Variants in SUMF1 observed in about 807,000 individuals in gnomAD.
The protein encoded by SUMF1 is sulfatase modifying factor 1.
Under a neutral mutation model 47.6 loss-of-function variants are expected in SUMF1, and 48 were observed. The observed-to-expected ratio is 1.01, with a 90% CI of 0.80 to 1.28. The LOEUF is 1.28. Ranked by LOEUF, SUMF1 falls within the 50% of genes most tolerant of loss-of-function variation. SUMF1 has a pLI of 0.00. For missense variants in SUMF1, 571 were observed against 485.4 expected, an observed-to-expected ratio of 1.18 and a Z score of -1.66; for synonymous variants, 230 against 192.1, an observed-to-expected ratio of 1.20 and a Z score of -1.63.
chr3:4,253,489 GA>G (rs2125013092), intron 8 of SUMF1, among the ~76,000 whole-genome samples: 1 of 152,218 alleles, frequency 6.6e-6, no homozygotes, highest in South Asian at 2.1e-4. Flanking sequence ...CCGAGTAAAA[GA>G]AAGGGGTGAC....
chr3:4,198,611 G>T (rs747445231), intron 8 of SUMF1, among the ~76,000 whole-genome samples: 2 of 152,030 alleles, frequency 1.3e-5, no homozygotes, highest in Non-Finnish European at 2.9e-5. Context: ...ACTGACAATG[G>T]CCCGACAAAA....
intron 8 of SUMF1, among the ~76,000 whole-genome samples, chr3:4,208,940 GA>G: frequency 6.6e-6 from 1 of 151,974 alleles, no homozygotes; most frequent in Middle Eastern, 3.4e-3. Context: ...CTGTGTCCAT[GA>G]AGGATATTGG....
chr3:4,213,879 AC>A (rs1320843563), intron 8 of SUMF1, among the ~76,000 whole-genome samples: 1 of 152,304 alleles, frequency 6.6e-6, no homozygotes, highest in East Asian at 1.9e-4. Context: ...ATATATATGC[AC>A]CCAATACAGG....
chr3:4,335,551 T>C (rs1256426561), intron 8 of SUMF1, among the ~76,000 whole-genome samples: 1 of 152,156 alleles, frequency 6.6e-6, no homozygotes, highest in Non-Finnish European at 1.5e-5. Flanking sequence ...TGCAGCAGAA[T>C]TAACCTCATC....
intron 3 of SUMF1, among the ~76,000 whole-genome samples, chr3:4,430,943 G>A (rs1702214058): frequency 6.6e-6 from 1 of 152,086 alleles, no homozygotes; most frequent in African/African-American, 2.4e-5. Context: ...AACATTTTTT[G>A]TTAAATAAAA....
chr3:4,308,582 C>T (rs893905070), intron 8 of SUMF1, among the ~76,000 whole-genome samples: 2 of 152,164 alleles, frequency 1.3e-5, no homozygotes, highest in Admixed American at 6.5e-5. Flanking sequence ...TTATCCTTGT[C>T]TTATAGCTAC....
chr3:4,146,068 A>G (rs776664369), intron 8 of SUMF1, among the ~76,000 whole-genome samples: 2 of 152,088 alleles, frequency 1.3e-5, no homozygotes, highest in Non-Finnish European at 2.9e-5. Flanking sequence ...CTTGACCTTC[A>G]CAGATCTTTA....
intron 8 of SUMF1, among the ~76,000 whole-genome samples, chr3:4,119,985 G>A (rs986709624): frequency 6.6e-6 from 1 of 152,064 alleles, no homozygotes; most frequent in African/African-American, 2.4e-5. Flanking sequence ...TTCCTTTTTA[G>A]GAAATGTTAA....
intron 8 of SUMF1, among the ~76,000 whole-genome samples, chr3:4,320,183 G>A (rs1418501070): frequency 2.0e-5 from 3 of 152,184 alleles, no homozygotes; most frequent in Non-Finnish European, 4.4e-5. Flanking sequence ...TCACAGGAAT[G>A]CAGACTGTGA....
intron 8 of SUMF1, among the ~76,000 whole-genome samples, chr3:4,326,542 G>T (rs557347836): frequency 1.0e-3 from 75 of 71,764 alleles, no homozygotes; most frequent in Non-Finnish European, 1.7e-3. Context: ...TTTTGAGATA[G>T]ATCCTCACTC....
intron 8 of SUMF1, among the ~76,000 whole-genome samples, chr3:4,270,290 A>G (rs1200754833): frequency 1.3e-5 from 2 of 152,158 alleles, no homozygotes; most frequent in Non-Finnish European, 2.9e-5. Context: ...AAGTGGTCCC[A>G]GGTCTCCATC....
At chr3:4,193,977 C>T (rs564831773) in intron 8 of SUMF1, among the ~76,000 whole-genome samples, 66 of 152,186 alleles carry the variant, frequency 4.3e-4, no homozygotes, top group African/African-American at 1.4e-3. Flanking sequence ...TACAGGCCAA[C>T]GTAAGTATGC....
intron 8 of SUMF1, among the ~76,000 whole-genome samples, chr3:4,293,410 CAT>C: frequency 6.6e-6 from 1 of 151,874 alleles, no homozygotes; most frequent in Non-Finnish European, 1.5e-5. Context: ...GTGGCACAGG[CAT>C]AGAGCAGTTT....
At chr3:4,193,621 G>A (rs951767097) in intron 8 of SUMF1, among the ~76,000 whole-genome samples, 1 of 152,074 alleles carries the variant, frequency 6.6e-6, no homozygotes, top group African/African-American at 2.4e-5. Context: ...TAGCCAGGAG[G>A]AGCAGGGGTA....
downstream of SUMF1, among the ~76,000 whole-genome samples, chr3:4,357,164 G>T (rs1465831293): frequency 6.6e-6 from 1 of 152,106 alleles, no homozygotes; most frequent in Non-Finnish European, 1.5e-5. Context: ...ATATTTGTTG[G>T]AAGGAAGGAG....
At chr3:4,118,606 A>T (rs1027171407) in intron 8 of SUMF1, among the ~76,000 whole-genome samples, 3 of 152,132 alleles carry the variant, frequency 2.0e-5, no homozygotes, top group African/African-American at 7.2e-5. Context: ...TGTCACTTCT[A>T]ATTCACTCAT....
At chr3:4,454,837 A>T (rs1331876954) in intron 1 of SUMF1, among the ~76,000 whole-genome samples, 1 of 152,236 alleles carries the variant, frequency 6.6e-6, no homozygotes, top group African/African-American at 2.4e-5. Context: ...CACATATTGT[A>T]TGAATCTATT....
At position 4,166,229 on chromosome 3, in the gene SUMF1, C is replaced by G. The variant is rs553610796; in HGVS notation, c.1015-97484G>C. On this transcript the variant is annotated intron_variant and NMD_transcript_variant, in intron 8 of 12. Transcript: ENST00000448413. ...GCATTTTCCCCTGTTAGTACTGGGACCTTACCTTTCTCCTATAAGATGATA... is the reference window on the plus strand; with the variant it reads ...GCATTTTCCCCTGTTAGTACTGGGAGCTTACCTTTCTCCTATAAGATGATA... 9.9e-5 allele frequency among the ~76,000 whole-genome samples: 15 copies of G among 152,130 alleles called. 1 individual carries two copies. Among genetic ancestry groups the G allele is most frequent in the Non-Finnish European group, 1.5e-5 (1 of 68,022 alleles).
At chr3:4,108,411 T>C (rs992379348) in intron 8 of SUMF1, among the ~76,000 whole-genome samples, 6 of 152,072 alleles carry the variant, frequency 3.9e-5, no homozygotes, top group African/African-American at 1.2e-4. Context: ...TGATTTGGGG[T>C]GGAGAGTTCT....
Sources: gnomAD v4.1 joint callset for allele counts (sites outside exome capture counted in the v4.1 genomes callset) on GRCh38, gnomAD v4.1.1 for gene constraint, MANE v1.5 for transcripts, NCBI Gene and HGNC (gene_info 2026-07-23, HGNC 2026-07-21) for gene names.